Variants in ACOXL observed in about 807,000 individuals in gnomAD.
ACOXL encodes the protein acyl-CoA oxidase like.
In ACOXL, 70 loss-of-function variants were observed where a neutral mutation model predicts 71.9. The ratio of observed to expected loss-of-function variants is 0.97; its 90% CI spans 0.80 to 1.19. ACOXL has a LOEUF of 1.19. ACOXL is among the 50% of genes most tolerant of loss of function. ACOXL has a pLI of 0.00. For synonymous variants in ACOXL, 253 were observed against 281.6 expected, an observed-to-expected ratio of 0.90 and a Z score of 1.02; for missense variants, 703 against 736.3, an observed-to-expected ratio of 0.95 and a Z score of 0.52.
At chr2:111,102,267 T>C (rs1354253569) in intron 17 of ACOXL, among the ~76,000 whole-genome samples, 1 of 152,152 alleles carries the variant, frequency 6.6e-6, no homozygotes, top group Non-Finnish European at 1.5e-5. Context: ...GGGATTTGGT[T>C]TCTTCAGTTT....
intron 15 of ACOXL, among the ~76,000 whole-genome samples, chr2:111,035,639 T>C (rs3827542): frequency 0.068 from 10,346 of 152,298 alleles, 404 homozygotes; most frequent in East Asian, 0.19. Context: ...AGAATGTTCA[T>C]ATTAAGAGCA....
chr2:110,848,905 T>C (rs1489170593), intron 10 of ACOXL, among the ~76,000 whole-genome samples: 3 of 152,146 alleles, frequency 2.0e-5, no homozygotes, highest in African/African-American at 7.2e-5. Context: ...TCCTGACCTT[T>C]AGCACGGGAT....
At chr2:110,801,149 C>T (rs958479883) in intron 7 of ACOXL, among the ~76,000 whole-genome samples, 7 of 152,222 alleles carry the variant, frequency 4.6e-5, no homozygotes, top group Admixed American at 4.6e-4. Flanking sequence ...CCCCCACTTC[C>T]TGCTGTCCTT....
intron 10 of ACOXL, among the ~76,000 whole-genome samples, chr2:110,904,690 C>T (rs887008187): frequency 6.6e-6 from 1 of 152,178 alleles, no homozygotes; most frequent in Non-Finnish European, 1.5e-5. Context: ...GAAACAATAG[C>T]ATTGGTTAGA....
intron 17 of ACOXL, among the ~76,000 whole-genome samples, chr2:111,101,484 A>T (rs1399757023): frequency 3.0e-4 from 45 of 152,276 alleles, no homozygotes; most frequent in Admixed American, 2.9e-3. Flanking sequence ...CTCATTCCCC[A>T]GACCACCTGG....
chr2:110,882,010 C>T (rs1696711669), intron 10 of ACOXL, among the ~76,000 whole-genome samples: 1 of 152,004 alleles, frequency 6.6e-6, no homozygotes, highest in African/African-American at 2.4e-5. Flanking sequence ...ATGGTTAGAT[C>T]ATGTAGTCGG....
At chr2:111,063,333 C>G (rs1051030347) in intron 16 of ACOXL, among the ~76,000 whole-genome samples, 4 of 152,086 alleles carry the variant, frequency 2.6e-5, no homozygotes, top group Non-Finnish European at 5.9e-5. Flanking sequence ...AAAAGAACTA[C>G]AGACCAATAT....
rs569284843 is a variant in ACOXL, at chr2:110,849,411, A to G, written c.788+8006A>G. Among the ~76,000 whole-genome samples, 49 of 152,356 alleles carry G rather than the reference A, an allele frequency of 3.2e-4. 1 individual carries two copies. The South Asian group carries it at 9.3e-3, about 29-fold the overall frequency. The stretch of plus-strand genomic sequence containing the variant: ...TCAACACAGCTCAAATTAAAATCCC[A>G]GTAAGATTTTGTGTAGAAATTGGCA... On this transcript the variant is annotated intron_variant, in intron 10 of 17. Coordinates refer to ENST00000439055, the MANE Select transcript of ACOXL (RefSeq NM_001142807.4).
intron 12 of ACOXL, among the ~76,000 whole-genome samples, chr2:110,952,640 G>T (rs187481255): frequency 6.6e-6 from 1 of 152,176 alleles, no homozygotes; most frequent in African/African-American, 2.4e-5. Context: ...TGAAATGGGG[G>T]TCTCACTGTG....
At chr2:110,897,818 A>G (rs2059074210) in intron 10 of ACOXL, among the ~76,000 whole-genome samples, 1 of 152,234 alleles carries the variant, frequency 6.6e-6, no homozygotes, top group African/African-American at 2.4e-5. Context: ...GTCCTTTGAA[A>G]AGATTAATAA....
intron 12 of ACOXL, among the ~76,000 whole-genome samples, chr2:110,948,386 A>G (rs768181436): frequency 6.6e-6 from 1 of 152,222 alleles, no homozygotes; most frequent in Non-Finnish European, 1.5e-5. Flanking sequence ...CTGCTTATTC[A>G]GTAGACTTTG....
chr2:111,089,280 G>A (rs1395005087), intron 16 of ACOXL, among the ~76,000 whole-genome samples: 2 of 152,116 alleles, frequency 1.3e-5, no homozygotes, highest in Non-Finnish European at 2.9e-5. Context: ...CCTGGCGATA[G>A]ACCGAGACTC....
chr2:110,923,588 C>A (rs2060159771), intron 11 of ACOXL, among the ~76,000 whole-genome samples: 1 of 152,116 alleles, frequency 6.6e-6, no homozygotes, highest in South Asian at 2.1e-4. Flanking sequence ...CTCCACTTAC[C>A]ATCCTAATGA....
chr2:110,774,530 A>G (rs1682396104), intron 2 of ACOXL, among the ~76,000 whole-genome samples: 1 of 152,222 alleles, frequency 6.6e-6, no homozygotes, highest in Non-Finnish European at 1.5e-5. Flanking sequence ...ATGCATTAAT[A>G]ATGAAGAATC....
chr2:110,887,800 G>A (rs1191370483), intron 10 of ACOXL: 1 of 152,116 alleles, frequency 6.6e-6, no homozygotes, highest in Non-Finnish European at 1.5e-5. Context: ...TGCCTTTCTA[G>A]TTTGAGTAGA....
intron 14 of ACOXL, among the ~76,000 whole-genome samples, chr2:111,022,180 T>C (rs1022020944): frequency 1.3e-5 from 2 of 151,908 alleles, no homozygotes; most frequent in African/African-American, 4.8e-5. Context: ...CTGGCCAACA[T>C]GGTGAAACCC....
rs558821943 is a variant in ACOXL at position 110,889,305 on chromosome 2, C to A, written c.789-19484C>A. Among the ~76,000 whole-genome samples the A allele has an allele frequency of 2.9e-5, 4 of 137,574 alleles. No homozygotes were observed. The South Asian group carries it at 8.9e-4, about 31-fold the overall frequency. 90.3% of individuals were successfully genotyped at this position (137,574 alleles called of 152,430 possible). A position where few individuals can be genotyped will look rare whatever the true frequency, so the allele number is the denominator to read the frequency against. On this transcript the variant is annotated intron_variant, in intron 10 of 17. Coordinates refer to ENST00000439055, the MANE Select transcript of ACOXL (RefSeq NM_001142807.4). ...CCCATGGTGAAGTAAAATTAACCAC[C>A]CCAACTAATTTTTTTTAAAACAACA... is the stretch of plus-strand genomic sequence containing the variant.
chr2:111,060,312 C>T (rs1305797997), intron 16 of ACOXL, among the ~76,000 whole-genome samples: 10 of 152,058 alleles, frequency 6.6e-5, no homozygotes, highest in East Asian at 1.9e-4. Flanking sequence ...AGACTTTAAC[C>T]ACTGGCTCCA....
At chr2:111,043,950 A>C (rs2065900856) in intron 15 of ACOXL, among the ~76,000 whole-genome samples, 1 of 152,158 alleles carries the variant, frequency 6.6e-6, no homozygotes, top group Non-Finnish European at 1.5e-5. Context: ...TTTTAGTGCC[A>C]GGTCTTCCTT....
Sources: gnomAD v4.1 joint callset for allele counts (sites outside exome capture counted in the v4.1 genomes callset) on GRCh38, gnomAD v4.1.1 for gene constraint, MANE v1.5 for transcripts, NCBI Gene and HGNC (gene_info 2026-07-23, HGNC 2026-07-21) for gene names.